STON2: variants seen among roughly 807,000 people sequenced by gnomAD.
The protein encoded by STON2 is stonin 2, also known as stonin-2.
In STON2, 29 loss-of-function variants were observed where a neutral mutation model predicts 65.7. That is an observed-to-expected ratio of 0.44 (90% CI 0.33 to 0.60). The LOEUF (loss-of-function observed/expected upper bound fraction) is 0.60, where lower values mean the gene tolerates loss of function less well. STON2 is among the 20% of genes least tolerant of loss of function. The pLI, the probability that STON2 is intolerant of heterozygous loss-of-function variation, is 0.03. For synonymous variants in STON2, 404 were observed against 414.2 expected (o/e 0.98, Z 0.30); for missense variants, 1,054 against 1,118.1 (o/e 0.94, Z 0.82).
Position 81,265,480 on chromosome 14 carries a change from C to A in STON2, c.*2934G>T, listed in dbSNP as rs999882788. On this transcript the variant is annotated 3_prime_UTR_variant, in exon 8 of 8. Transcript: ENST00000614646. ...GACCAGCCTGGCCAACATGGTGAAA[C>A]CCCATCTCTACTAAAAATACATAAA... is the stretch of plus-strand genomic sequence containing the variant. The A allele has an allele frequency of 2.4e-6, 1 of 408,956 alleles. No homozygotes were observed. The highest frequency in any genetic ancestry group is 3.3e-6 in the Non-Finnish European group (1 of 303,688). 25.3% of individuals were successfully genotyped at this position (408,956 alleles called of 1,614,324 possible).
chr14:81,332,098 CT>C (rs1897236792), intron 4 of STON2, among the ~76,000 whole-genome samples: 1 of 152,194 alleles, frequency 6.6e-6, no homozygotes, highest in South Asian at 2.1e-4. Flanking sequence ...AACCAAATTT[CT>C]GGAGAAGTTC....
Position 81,265,947 on chromosome 14 carries a change from A to G in STON2, c.*2467T>C. The G allele has an allele frequency of 2.0e-6, 2 of 985,390 alleles. No individual in the cohort carries two copies. Among genetic ancestry groups the G allele is most frequent in the African/African-American group, 1.7e-5 (1 of 57,344 alleles). 61.0% of individuals were successfully genotyped at this position (985,390 alleles called of 1,614,324 possible). On this transcript the variant is annotated 3_prime_UTR_variant, in exon 8 of 8. Transcript: ENST00000614646. ...CTTCATTTCCCTTGCCAACTCTCCA[A>G]TCCATTTAGATGTTCTATGAGGAAT...
rs1894898338 is a variant in STON2, at chr14:81,277,574, G to T, written c.1908C>A (p.Phe636Leu). Reference protein sequence around the residue: ...EEITVDVRDEFSGIVSKGDNQ... With the variant: ...EEITVDVRDELSGIVSKGDNQ... ...TGTCTCCTTTGCTCACAATGCCAGAGAATTCATCTCTGACATCCACTGTAA... is the reference window on the plus strand; with the variant it reads ...TGTCTCCTTTGCTCACAATGCCAGATAATTCATCTCTGACATCCACTGTAA... Residue 636 changes from phenylalanine (F) to leucine (L), a missense_variant, in exon 6 of 8, where the codon TTC becomes TTA. By Grantham distance (22) the Phe-to-Leu change is conservative (BLOSUM62 0). Coordinates refer to ENST00000614646, the MANE Select transcript of STON2 (RefSeq NM_001394390.1). 2 of 1,614,202 alleles carry T rather than the reference G, an allele frequency of 1.2e-6. No individual in the cohort carries two copies. Among genetic ancestry groups the T allele is most frequent in the South Asian group, 1.1e-5 (1 of 91,090 alleles).
rs190951832 is a variant in STON2, at chr14:81,387,701, T to C, written c.373+8193A>G. Among the ~76,000 whole-genome samples the C allele has an allele frequency of 5.7e-4, 87 of 151,912 alleles. 2 individuals carry two copies. The South Asian group carries it at 0.012, about 20-fold the overall frequency. On this transcript the variant is annotated intron_variant, in intron 3 of 7. Transcript: ENST00000614646. ...AGAGGTCAGGAGTTCAAGACCAGTCTGGCCAACATGGTAAAACCCATCTCT... is the reference window on the plus strand; with the variant it reads ...AGAGGTCAGGAGTTCAAGACCAGTCCGGCCAACATGGTAAAACCCATCTCT...
At chr14:81,376,840 A>G (rs531052206) in intron 3 of STON2, among the ~76,000 whole-genome samples, 66 of 152,318 alleles carry the variant, frequency 4.3e-4, no homozygotes, top group African/African-American at 1.6e-3. Context: ...TTGGTTTAAC[A>G]CAGTGTTTCT....
intron 5 of STON2, among the ~76,000 whole-genome samples, chr14:81,319,719 T>C (rs1187319680): frequency 6.6e-6 from 1 of 152,198 alleles, no homozygotes; most frequent in East Asian, 1.9e-4. Flanking sequence ...CGAACCTTCA[T>C]CTACAGATAT....
At position 81,382,223 on chromosome 14, in the gene STON2, A is replaced by AAAAAGAAAAG. The variant is rs3044278; in HGVS notation, c.374-11048_374-11039dup. On this transcript the variant is annotated intron_variant, in intron 3 of 7. Coordinates refer to ENST00000614646, the MANE Select transcript of STON2 (RefSeq NM_001394390.1). ...GACAGAGCAAGACTCTGTCTCAAAAAAAAAGAAAAGAAAAGAAAAGAAACA... is the reference window on the plus strand; with the variant it reads ...GACAGAGCAAGACTCTGTCTCAAAAAAAAAGAAAAGAAAAGAAAAGAAAAGAAAAGAAACA... Among the ~76,000 whole-genome samples the AAAAAGAAAAG allele has an allele frequency of 5.3e-5, 8 of 151,068 alleles. No homozygotes were observed. The East Asian group carries it at 1.2e-3, about 22-fold the overall frequency.
chr14:81,290,166 A>AGAGTGGAGCTTGG (rs1377575959), intron 5 of STON2, among the ~76,000 whole-genome samples: 1 of 152,166 alleles, frequency 6.6e-6, no homozygotes, highest in Non-Finnish European at 1.5e-5. Context: ...ACTTATTCTG[A>AGAGTGGAGCTTGG]GAGTGGAGCT....
intron 4 of STON2, among the ~76,000 whole-genome samples, chr14:81,360,922 C>A (rs2140339501): frequency 6.6e-6 from 1 of 151,964 alleles, no homozygotes; most frequent in South Asian, 2.1e-4. Context: ...ATTTACAATA[C>A]CTACAAAAAC....
intron 5 of STON2, among the ~76,000 whole-genome samples, chr14:81,322,856 C>T (rs1178267809): frequency 6.6e-6 from 1 of 152,166 alleles, no homozygotes; most frequent in Non-Finnish European, 1.5e-5. Context: ...TAGGCTGCTC[C>T]GTACAGGGAA....
intron 1 of STON2, among the ~76,000 whole-genome samples, chr14:81,433,352 A>G (rs1057259969): frequency 4.6e-5 from 7 of 152,128 alleles, no homozygotes; most frequent in African/African-American, 1.7e-4. Flanking sequence ...CCACCTGGCC[A>G]CTAGAAATGT....
intron 4 of STON2, among the ~76,000 whole-genome samples, chr14:81,356,737 G>A (rs1170118391): frequency 6.6e-6 from 1 of 152,008 alleles, no homozygotes; most frequent in Non-Finnish European, 1.5e-5. Flanking sequence ...TTAGTCTTGG[G>A]AGAGTGTATG....
At chr14:81,364,516 C>T (rs1898633011) in intron 4 of STON2, among the ~76,000 whole-genome samples, 1 of 151,926 alleles carries the variant, frequency 6.6e-6, no homozygotes, top group Non-Finnish European at 1.5e-5. Flanking sequence ...GTCAGCTTTG[C>T]CAATTTATGT....
Position 81,277,773 on chromosome 14 carries a change from T to G in STON2, c.1709A>C (p.Gln570Pro), listed in dbSNP as rs141221444. Residue 570 changes from glutamine to proline, a missense_variant, in exon 6 of 8, where the codon CAG becomes CCG. Coordinates refer to ENST00000614646, the MANE Select transcript of STON2 (RefSeq NM_001394390.1). ...TGTGTGGGCCACAGCAGGTTTGGGC[T>G]GGTATTTCTTCTTCTCTTTATAGGT... is the stretch of plus-strand genomic sequence containing the variant. The part of the protein sequence containing the change: ...RVTYKEKKKY[Q>P]PKPAVAHTAE... 6.8e-6 allele frequency: 11 copies of G among 1,614,182 alleles called. No homozygotes were observed. Among genetic ancestry groups the G allele is most frequent in the Non-Finnish European group, 8.5e-6 (10 of 1,180,026 alleles).
Position 81,268,142 on chromosome 14 carries a change from C to CT in STON2, c.*271dup. 9.3e-7 allele frequency: 1 copy of CT among 1,072,970 alleles called. No individual in the cohort carries two copies. The highest frequency in any genetic ancestry group is 1.1e-6 in the Non-Finnish European group (1 of 882,370). The allele number at this position is 1,072,970 out of a possible 1,614,324, so 66.5% of individuals were successfully genotyped here. Reference sequence around the variant, plus strand: ...GATAAGCAGAGACAAGACAAGGAGGCTTAATTATACAGTAAGCTCCAACAG... The same window carrying CT: ...GATAAGCAGAGACAAGACAAGGAGGCTTTAATTATACAGTAAGCTCCAACAG... On this transcript the variant is annotated 3_prime_UTR_variant, in exon 8 of 8. Coordinates refer to ENST00000614646, the MANE Select transcript of STON2 (RefSeq NM_001394390.1).
At chr14:81,395,566 G>A (rs1198308644) in intron 3 of STON2, 1 of 234,980 alleles carries the variant, frequency 4.3e-6, no homozygotes, top group Non-Finnish European at 8.3e-6. Flanking sequence ...TGTATGTAAG[G>A]TGCTTACAGT....
At chr14:81,327,238 AT>A (rs1370565103) in intron 4 of STON2, among the ~76,000 whole-genome samples, 5 of 151,760 alleles carry the variant, frequency 3.3e-5, no homozygotes, top group Admixed American at 6.6e-5. Flanking sequence ...AATATATCAA[AT>A]TTTTTTTTAT....
intron 4 of STON2, among the ~76,000 whole-genome samples, chr14:81,337,166 T>G (rs893300227): frequency 1.3e-5 from 2 of 152,230 alleles, no homozygotes; most frequent in African/African-American, 4.8e-5. Flanking sequence ...CTGGGAAATG[T>G]GCTCTTCACT....
chr14:81,348,474 G>A (rs568959187), intron 4 of STON2, among the ~76,000 whole-genome samples: 55 of 152,002 alleles, frequency 3.6e-4, no homozygotes, highest in Non-Finnish European at 6.0e-4. Flanking sequence ...TGAACTAGCT[G>A]AGAAAGAAAT....
Sources: gnomAD v4.1 joint callset for allele counts (sites outside exome capture counted in the v4.1 genomes callset) on GRCh38, gnomAD v4.1.1 for gene constraint, MANE v1.5 for transcripts, NCBI Gene and HGNC (gene_info 2026-07-23, HGNC 2026-07-21) for gene names.